Variants in TSPAN9 observed in about 807,000 individuals in gnomAD.
TSPAN9 encodes the protein tetraspanin-9.
A neutral mutation model predicts 31.0 loss-of-function variants in TSPAN9; 16 were observed. The ratio of observed to expected loss-of-function variants is 0.52; its 90% CI spans 0.35 to 0.78. The LOEUF (loss-of-function observed/expected upper bound fraction) is 0.78. Among genes scored for constraint, TSPAN9 ranks in the 30% least tolerant of loss-of-function variants. The pLI is 0.01. For missense variants in TSPAN9, 272 were observed against 312.5 expected, an observed-to-expected ratio of 0.87 and a Z score of 0.98; for synonymous variants, 145 against 121.6, an observed-to-expected ratio of 1.19 and a Z score of -1.27.
rs1443275377 is a variant in TSPAN9, at chr12:3,095,872, G to A, written c.-18+12153G>A. Among the ~76,000 whole-genome samples the A allele has an allele frequency of 3.6e-3, 540 of 148,046 alleles. 2 individuals are homozygous for A. The highest frequency in any genetic ancestry group is 6.2e-3 in the Non-Finnish European group (413 of 66,870). On this transcript the variant is annotated intron_variant, in intron 2 of 8. Transcript: ENST00000011898. ...CCAGACTGGGCAGCCAGGCAGAGGG[G>A]CTCCTCACATCCCAGACGATGGGCG...
chr12:3,236,349 T>C (rs1303518089), intron 3 of TSPAN9, among the ~76,000 whole-genome samples: 1 of 152,202 alleles, frequency 6.6e-6, no homozygotes, highest in Non-Finnish European at 1.5e-5. Context: ...GTAAACACTT[T>C]ACAGGCATGA....
At chr12:3,243,919 C>T (rs1191038258) in intron 3 of TSPAN9, among the ~76,000 whole-genome samples, 1 of 152,222 alleles carries the variant, frequency 6.6e-6, no homozygotes, top group African/African-American at 2.4e-5. Flanking sequence ...GTTCTGCTGC[C>T]TCCACATGCC....
chr12:3,146,245 G>A (rs138539853), intron 2 of TSPAN9, among the ~76,000 whole-genome samples: 4 of 152,342 alleles, frequency 2.6e-5, no homozygotes, highest in Non-Finnish European at 4.4e-5. Flanking sequence ...GCAGGAGGGC[G>A]CTGGGATGCG....
At chr12:3,167,311 G>A (rs920092336) in intron 2 of TSPAN9, among the ~76,000 whole-genome samples, 5 of 152,216 alleles carry the variant, frequency 3.3e-5, no homozygotes, top group Non-Finnish European at 7.3e-5. Context: ...TTTGAACATA[G>A]ATGGAGGTTT....
chr12:3,148,850 T>A (rs2098338573), intron 2 of TSPAN9, among the ~76,000 whole-genome samples: 1 of 152,142 alleles, frequency 6.6e-6, no homozygotes, highest in South Asian at 2.1e-4. Context: ...CTGTCCCAGC[T>A]CCATCAGTCA....
intron 2 of TSPAN9, among the ~76,000 whole-genome samples, chr12:3,109,005 C>T (rs540017011): frequency 1.4e-4 from 21 of 151,722 alleles, no homozygotes; most frequent in Non-Finnish European, 2.4e-4. Context: ...GCGCGATCTC[C>T]GCTCACTGCA....
chr12:3,190,257 T>C (rs887368), intron 2 of TSPAN9, among the ~76,000 whole-genome samples: 150,717 of 152,320 alleles, frequency 0.99, 74,594 homozygotes, highest in Middle Eastern at 1. Flanking sequence ...CAGCACCCTC[T>C]GTGGAGTGGT....
chr12:3,082,069 G>T (rs1166494569), intron 1 of TSPAN9, among the ~76,000 whole-genome samples: 1 of 152,100 alleles, frequency 6.6e-6, no homozygotes, highest in African/African-American at 2.4e-5. Context: ...ATCTTCATGG[G>T]GCTTATAAGC....
chr12:3,080,005 T>A (rs886964717), intron 1 of TSPAN9, among the ~76,000 whole-genome samples: 24 of 151,398 alleles, frequency 1.6e-4, no homozygotes, highest in African/African-American at 5.8e-4. Flanking sequence ...TGGTCTCTGG[T>A]CTTGAACTCC....
At chr12:3,100,113 G>A (rs2098311170) in intron 2 of TSPAN9, among the ~76,000 whole-genome samples, 1 of 152,042 alleles carries the variant, frequency 6.6e-6, no homozygotes, top group African/African-American at 2.4e-5. Flanking sequence ...CAAAGTGCTG[G>A]GATTACAGGC....
intron 3 of TSPAN9, among the ~76,000 whole-genome samples, chr12:3,259,240 C>T (rs1380271437): frequency 1.3e-5 from 2 of 152,234 alleles, no homozygotes. Flanking sequence ...TTCCTTCTTG[C>T]TCTTCTTTGA....
Position 3,105,731 on chromosome 12 carries a change from C to T in TSPAN9, c.-18+22012C>T, listed in dbSNP as rs570230666. On this transcript the variant is annotated intron_variant, in intron 2 of 8. Transcript: ENST00000011898. ...GCCTAGGGCCTGCTTTGTGTGCACG[C>T]GCGTGCACACACACACTCACACACA... Among the ~76,000 whole-genome samples, 146 of 151,088 alleles carry T rather than the reference C, an allele frequency of 9.7e-4. 1 individual carries two copies. The highest frequency in any genetic ancestry group is 6.8e-3 in the Middle Eastern group (2 of 292).
intron 2 of TSPAN9, chr12:3,173,310 C>G (rs918940481): frequency 1.3e-5 from 2 of 152,406 alleles, no homozygotes; most frequent in Non-Finnish European, 2.9e-5. Flanking sequence ...CTTGATTCTG[C>G]CACGTCCTTG....
chr12:3,268,709 C>G (rs76013798), intron 3 of TSPAN9, among the ~76,000 whole-genome samples: 1 of 51,112 alleles, frequency 2.0e-5, no homozygotes, highest in Non-Finnish European at 3.7e-5. Context: ...GCCCTCCGTG[C>G]GTTCCTGCAG....
intron 1 of TSPAN9, among the ~76,000 whole-genome samples, chr12:3,077,827 C>T (rs2098295873): frequency 6.6e-6 from 1 of 152,116 alleles, no homozygotes; most frequent in Non-Finnish European, 1.5e-5. Context: ...TACAAGGACC[C>T]CAGAGAGGGC....
intron 2 of TSPAN9, among the ~76,000 whole-genome samples, chr12:3,189,279 C>T (rs10744598): frequency 0.71 from 108,631 of 152,026 alleles, 39,176 homozygotes; most frequent in African/African-American, 0.79. Flanking sequence ...CCTTGAGGGG[C>T]TGGTGTTGCT....
chr12:3,109,578 A>T (rs150586934), intron 2 of TSPAN9, among the ~76,000 whole-genome samples: 1,630 of 151,646 alleles, frequency 0.011, 32 homozygotes, highest in African/African-American at 0.037. Context: ...AGGGTGGATC[A>T]CCTGAGGTCA....
At chr12:3,160,996 G>A (rs920099555) in intron 2 of TSPAN9, among the ~76,000 whole-genome samples, 1 of 152,150 alleles carries the variant, frequency 6.6e-6, no homozygotes, top group African/African-American at 2.4e-5. Flanking sequence ...CGAGGCAGGT[G>A]GATCATCTGA....
intron 3 of TSPAN9, among the ~76,000 whole-genome samples, chr12:3,257,850 T>A (rs1422809070): frequency 1.3e-5 from 2 of 152,216 alleles, no homozygotes; most frequent in South Asian, 2.1e-4. Context: ...TCCTTCTGTT[T>A]CTTTTTGTGT....
Sources: gnomAD v4.1 joint callset for allele counts (sites outside exome capture counted in the v4.1 genomes callset) on GRCh38, gnomAD v4.1.1 for gene constraint, MANE v1.5 for transcripts, NCBI Gene and HGNC (gene_info 2026-07-23, HGNC 2026-07-21) for gene names.